Variants in TANC2 observed in about 807,000 individuals in gnomAD.
TANC2 encodes the protein tetratricopeptide repeat, ankyrin repeat and coiled-coil containing 2.
A neutral mutation model predicts 210.5 loss-of-function variants in TANC2; 26 were observed. That is an observed-to-expected ratio of 0.12 (90% CI 0.09 to 0.17). The LOEUF (loss-of-function observed/expected upper bound fraction) is 0.17, where lower values mean the gene tolerates loss of function less well. TANC2 is among the 10% of genes least tolerant of loss of function. The probability of loss-of-function intolerance (pLI) is 1.00; values close to 1 mark genes in which losing one functional copy is unlikely to be tolerated. For synonymous variants in TANC2, 931 were observed against 967.1 expected, an observed-to-expected ratio of 0.96 and a Z score of 0.69; for missense variants, 2,129 against 2,608.9, an observed-to-expected ratio of 0.82 and a Z score of 4.01.
chr17:62,999,920 T>A (rs1217829430), intron 1 of TANC2, among the ~76,000 whole-genome samples: 1 of 152,232 alleles, frequency 6.6e-6, no homozygotes, highest in East Asian at 1.9e-4. Flanking sequence ...AATGAGATCA[T>A]GTCCTTTGCA....
chr17:63,277,605 G>T (rs767140942), intron 9 of TANC2, among the ~76,000 whole-genome samples: 2 of 151,432 alleles, frequency 1.3e-5, no homozygotes, highest in Non-Finnish European at 2.9e-5. Flanking sequence ...AAGAAAACAA[G>T]TTACAGTTTA....
chr17:63,088,346 A>G (rs1210635606), intron 3 of TANC2: 3 of 152,066 alleles, frequency 2.0e-5, no homozygotes, highest in Admixed American at 2.0e-4. Flanking sequence ...ATATGTCCTC[A>G]CCTTTTTCCA....
intron 9 of TANC2, among the ~76,000 whole-genome samples, chr17:63,292,406 A>G (rs1180114696): frequency 6.6e-6 from 1 of 152,228 alleles, no homozygotes; most frequent in African/African-American, 2.4e-5. Flanking sequence ...ACAGTGTGAA[A>G]TACTAAAAAG....
rs11395061 is a variant in TANC2, at chr17:63,262,629, C to CTT, written c.1034-5107_1034-5106dup. Among the ~76,000 whole-genome samples, 282 of 145,394 alleles carry CTT rather than the reference C, an allele frequency of 1.9e-3. 1 individual carries two copies. The highest frequency in any genetic ancestry group is 0.015 in the South Asian group (70 of 4,554). The stretch of plus-strand genomic sequence containing the variant: ...ATGGGTCTGAATCCCTAGTAGTCCT[C>CTT]TTTTTTTTTTTTTGGTAGCTACATA... On this transcript the variant is annotated intron_variant, in intron 8 of 27. Coordinates refer to ENST00000689528, the Ensembl canonical transcript of TANC2.
Position 63,421,719 on chromosome 17 carries a change from C to T in TANC2, c.5989C>T (p.His1997Tyr), listed in dbSNP as rs758505350. 1.2e-6 allele frequency: 2 copies of T among 1,614,038 alleles called. No homozygotes were observed. Among genetic ancestry groups the T allele is most frequent in the South Asian group, 2.2e-5 (2 of 91,078 alleles). The change falls in exon 28 of 28, where the codon CAT becomes TAT. Residue 1997 changes from histidine (H) to tyrosine (Y), a missense_variant. Physicochemically the swap from His to Tyr is moderately conservative, Grantham distance 83. This residue lies in a region of TANC2 where 161 missense variants were observed against 178.6 expected (regional missense o/e 0.90). Transcript: ENST00000689528. This position sits in a 1 kb window ranked among gnomAD's most constrained non-coding sequence, Gnocchi z 6.9. ...CAAAACCAACAATGCACAGAATGGC[C>T]ATTTGCTGGAGGACGATTATTACAG... is the stretch of plus-strand genomic sequence containing the variant.
chr17:63,398,689 A>T (rs1180330509), intron 18 of TANC2, 132 bp from the exon 19 acceptor site: 1 of 576,602 alleles, frequency 1.7e-6, no homozygotes, highest in Middle Eastern at 2.7e-4. Context: ...AGGACGGTCA[A>T]TTCTGATTCC....
chr17:63,376,626 A>G (rs1369961397), intron 14 of TANC2, among the ~76,000 whole-genome samples: 2 of 152,096 alleles, frequency 1.3e-5, no homozygotes, highest in African/African-American at 4.8e-5. Context: ...CCTTTACAGA[A>G]TTTCTAAATT....
At chr17:63,304,717 C>T (rs894427953) in intron 9 of TANC2, among the ~76,000 whole-genome samples, 2 of 152,166 alleles carry the variant, frequency 1.3e-5, no homozygotes, top group African/African-American at 4.8e-5. Context: ...ATGGAGACTG[C>T]GGCCACCCTT....
chr17:63,250,841 C>CTATGCTAGAAGGTGGTG lies in TANC2; in HGVS notation c.1033+12772_1033+12788dup, dbSNP rs1268278320. ...TGGTAATTTATAAGTAATTTATATA[C>CTATGCTAGAAGGTGGTG]TATGCTAGAAGGTGGTGTATGCTAT... On this transcript the variant is annotated intron_variant, in intron 8 of 27. Coordinates refer to ENST00000689528, the Ensembl canonical transcript of TANC2. Among the ~76,000 whole-genome samples, 19 of 152,124 alleles carry CTATGCTAGAAGGTGGTG rather than the reference C, an allele frequency of 1.2e-4. No homozygotes were observed. In the East Asian group the frequency reaches 1.7e-3, roughly 14 times the overall value.
At chr17:63,020,125 A>G (rs1305649677) in intron 2 of TANC2, among the ~76,000 whole-genome samples, 1 of 152,072 alleles carries the variant, frequency 6.6e-6, no homozygotes, top group Non-Finnish European at 1.5e-5. Flanking sequence ...ACGGGGTTTC[A>G]CCATTTTGAC....
intron 1 of TANC2, among the ~76,000 whole-genome samples, chr17:62,971,878 G>A (rs1023806347): frequency 6.6e-6 from 1 of 152,208 alleles, no homozygotes; most frequent in African/African-American, 2.4e-5. Flanking sequence ...AGGTGGAACA[G>A]TTTCATCCCC....
chr17:63,295,768 T>C (rs2044516844), intron 9 of TANC2, among the ~76,000 whole-genome samples: 1 of 152,184 alleles, frequency 6.6e-6, no homozygotes, highest in Admixed American at 6.5e-5. Context: ...GAGTGAGAAC[T>C]AGGTTTTGGG....
chr17:63,022,532 A>G (rs2034394138), intron 2 of TANC2, among the ~76,000 whole-genome samples: 1 of 152,204 alleles, frequency 6.6e-6, no homozygotes, highest in Admixed American at 6.5e-5. Context: ...CAGCCTGGCC[A>G]TGTAAAGAAT....
At chr17:63,015,291 A>G (rs1188875654) in intron 2 of TANC2, among the ~76,000 whole-genome samples, 7 of 151,924 alleles carry the variant, frequency 4.6e-5, no homozygotes, top group Admixed American at 3.3e-4. Flanking sequence ...AATAGTTTTT[A>G]TATCAAATTT....
chr17:63,311,770 A>G (rs1230397320), intron 9 of TANC2, among the ~76,000 whole-genome samples: 1 of 152,272 alleles, frequency 6.6e-6, no homozygotes, highest in Non-Finnish European at 1.5e-5. Context: ...TGGTATATCC[A>G]TACAATGGAA....
chr17:63,112,003 C>A (rs1432246545), intron 4 of TANC2, among the ~76,000 whole-genome samples: 2 of 152,186 alleles, frequency 1.3e-5, no homozygotes, highest in Non-Finnish European at 2.9e-5. Context: ...GGGTTACAGG[C>A]GTGAGCCACC....
At chr17:63,003,256 A>G (rs986287101) in intron 1 of TANC2, among the ~76,000 whole-genome samples, 2 of 152,194 alleles carry the variant, frequency 1.3e-5, no homozygotes, top group Non-Finnish European at 2.9e-5. Flanking sequence ...TTATATATCT[A>G]CTTTTTGAAA....
chr17:63,289,836 G>A (rs968621650), intron 9 of TANC2, among the ~76,000 whole-genome samples: 2 of 152,160 alleles, frequency 1.3e-5, no homozygotes, highest in African/African-American at 4.8e-5. Context: ...AGTGAGCTGT[G>A]GGGATGAGGA....
intron 16 of TANC2, 115 bp from the exon 17 acceptor site, chr17:63,389,193 C>A: frequency 2.6e-6 from 2 of 758,236 alleles, no homozygotes; most frequent in South Asian, 1.9e-5. Context: ...TAAAATAAAG[C>A]AATTACTAAA....
Sources: gnomAD v4.1 joint callset for allele counts (sites outside exome capture counted in the v4.1 genomes callset) on GRCh38, gnomAD v4.1.1 for gene constraint, gnomAD v4.1.1 regional missense constraint, Gnocchi (gnomAD v3.1) non-coding constraint, MANE v1.5 for transcripts, NCBI Gene and HGNC (gene_info 2026-07-23, HGNC 2026-07-21) for gene names.